The following TSC22D1 variants were observed in gnomAD, a reference collection of about 807,000 sequenced individuals.
TSC22D1 encodes the protein TSC22 domain family protein 1.
TSC22D1 carries 9 observed loss-of-function variants against 74.2 expected under a neutral mutation model. That is an observed-to-expected ratio of 0.12 (90% CI 0.07 to 0.21). The LOEUF (loss-of-function observed/expected upper bound fraction) is 0.21. TSC22D1 is among the 10% of genes least tolerant of loss of function. The probability of loss-of-function intolerance (pLI) is 1.00; values close to 1 mark genes in which losing one functional copy is unlikely to be tolerated. For synonymous variants in TSC22D1, 586 were observed against 492.5 expected (o/e 1.19, Z -2.51); for missense variants, 1,427 against 1,304.7 (o/e 1.09, Z -1.44).
At chr13:44,446,847 A>G (rs979320957) in intron 1 of TSC22D1, among the ~76,000 whole-genome samples, 8 of 105,458 alleles carry the variant, frequency 7.6e-5, no homozygotes, top group Non-Finnish European at 1.6e-4. Context: ...AGGAAGAAGA[A>G]GAAGAGGAAA....
At chr13:44,436,599 C>T (rs1874659007) in intron 1 of TSC22D1, 1 of 1,614,162 alleles carries the variant, frequency 6.2e-7, no homozygotes, top group Admixed American at 1.7e-5. Context: ...CTAGATCCAT[C>T]GCCACTGGTC....
chr13:44,545,556 A>G (rs1881766324), intron 1 of TSC22D1, among the ~76,000 whole-genome samples: 1 of 151,418 alleles, frequency 6.6e-6, no homozygotes. Context: ...AATGGCCAGC[A>G]GCACATTTTG....
At chr13:44,514,725 T>A (rs1368099825) in intron 1 of TSC22D1, among the ~76,000 whole-genome samples, 1 of 152,082 alleles carries the variant, frequency 6.6e-6, no homozygotes, top group Non-Finnish European at 1.5e-5. Flanking sequence ...CTGGACATGG[T>A]GGTATGCACC....
chr13:44,488,786 A>G (rs1878568849), intron 1 of TSC22D1, among the ~76,000 whole-genome samples: 1 of 152,226 alleles, frequency 6.6e-6, no homozygotes, highest in Non-Finnish European at 1.5e-5. Flanking sequence ...AGAATTTAAC[A>G]AAGGATACAC....
At chr13:44,571,910 CA>C (rs1191457887) in intron 1 of TSC22D1, among the ~76,000 whole-genome samples, 2 of 152,070 alleles carry the variant, frequency 1.3e-5, no homozygotes, top group African/African-American at 2.4e-5. Flanking sequence ...CTAAATAACA[CA>C]AACCTCACTG....
rs1566189533 is a variant in TSC22D1, at chr13:44,575,681, C to T, written c.394G>A (p.Ala132Thr). The change falls in exon 1 of 3, where the codon GCA (alanine) becomes ACA (threonine). Residue 132 changes from alanine (A) to threonine (T), a missense_variant. By Grantham distance (58) the Ala-to-Thr change is moderately conservative. Transcript: ENST00000458659. The part of the protein sequence containing the change: ...SASISSNNSI[A>T]EDTESYDDLD... ...TCATCATAGCTCTCAGTGTCCTCTGCTATACTGTTGTTAGAGCTGATACTA... is the reference window on the plus strand; with the variant it reads ...TCATCATAGCTCTCAGTGTCCTCTGTTATACTGTTGTTAGAGCTGATACTA... 6.2e-7 allele frequency: 1 copy of T among 1,614,210 alleles called. No individual in the cohort carries two copies.
chr13:44,539,825 A>G, intron 1 of TSC22D1: 2 of 1,289,520 alleles, frequency 1.6e-6, no homozygotes, highest in Non-Finnish European at 2.0e-6. Flanking sequence ...CCAAGGGTTC[A>G]GTGGAGAAAG....
intron 2 of TSC22D1, chr13:44,435,164 T>C: frequency 3.1e-6 from 1 of 325,364 alleles, no homozygotes. Flanking sequence ...AGCCGGGCGC[T>C]GGGTCCCCGA....
chr13:44,504,059 A>G (rs924723849), intron 1 of TSC22D1, among the ~76,000 whole-genome samples: 1 of 151,938 alleles, frequency 6.6e-6, no homozygotes, highest in African/African-American at 2.4e-5. Flanking sequence ...GCTATGTGTT[A>G]ATTTCATAAC....
At chr13:44,541,444 TAAAGA>T (rs1237496636) in intron 1 of TSC22D1, among the ~76,000 whole-genome samples, 6 of 151,948 alleles carry the variant, frequency 3.9e-5, no homozygotes, top group South Asian at 2.1e-4. Context: ...TACCAAATAT[TAAAGA>T]AAAGAAAAAA....
intron 1 of TSC22D1, among the ~76,000 whole-genome samples, chr13:44,503,919 AAAT>A (rs1879325236): frequency 6.6e-6 from 1 of 152,062 alleles, no homozygotes; most frequent in Admixed American, 6.5e-5. Context: ...ACTCATGACA[AAAT>A]AATACAGTAA....
At chr13:44,529,120 T>A (rs1402496183) in intron 1 of TSC22D1, among the ~76,000 whole-genome samples, 1 of 152,028 alleles carries the variant, frequency 6.6e-6, no homozygotes, top group South Asian at 2.1e-4. Flanking sequence ...TAGAAAAAGA[T>A]AATACTAGAA....
chr13:44,490,310 C>T (rs563326543), intron 1 of TSC22D1, among the ~76,000 whole-genome samples: 11 of 149,510 alleles, frequency 7.4e-5, no homozygotes, highest in Non-Finnish European at 1.2e-4. Flanking sequence ...GAGGAGGTAT[C>T]GCTAGGGAGA....
intron 1 of TSC22D1, among the ~76,000 whole-genome samples, chr13:44,519,707 C>T (rs1292317900): frequency 6.6e-6 from 1 of 152,082 alleles, no homozygotes; most frequent in Non-Finnish European, 1.5e-5. Context: ...ATCACTCCAG[C>T]CAAATTCTGG....
intron 1 of TSC22D1, among the ~76,000 whole-genome samples, chr13:44,542,244 A>G (rs1355425572): frequency 2.0e-5 from 3 of 152,106 alleles, no homozygotes; most frequent in African/African-American, 7.2e-5. Context: ...AGGCAAAAAG[A>G]AAGAGGTACA....
chr13:44,450,321 A>G (rs1876020068), intron 1 of TSC22D1, among the ~76,000 whole-genome samples: 1 of 152,210 alleles, frequency 6.6e-6, no homozygotes, highest in Non-Finnish European at 1.5e-5. Context: ...TAGAAGGAAA[A>G]AAGTTTAAGA....
chr13:44,436,803 A>G, intron 1 of TSC22D1: 1 of 1,401,682 alleles, frequency 7.1e-7, no homozygotes, highest in Non-Finnish European at 9.2e-7. Flanking sequence ...TGCGGATCCC[A>G]GTGCCGTGAA....
chr13:44,528,609 C>T (rs1214512240), intron 1 of TSC22D1, among the ~76,000 whole-genome samples: 1 of 151,818 alleles, frequency 6.6e-6, no homozygotes, highest in African/African-American at 2.4e-5. Context: ...TCTAGGAAAA[C>T]TGAAACAGAA....
At chr13:44,457,637 C>CAAAAAAAAAAAAAAAAAAAAAAAAAG (rs10692086) in intron 1 of TSC22D1, among the ~76,000 whole-genome samples, 1 of 85,416 alleles carries the variant, frequency 1.2e-5, no homozygotes, top group Non-Finnish European at 2.2e-5. Context: ...AAGCAAATAG[C>CAAAAAAAAAAAAAAAAAAAAAAAAAG]AAAAAAAAAA....
Sources: allele counts gnomAD v4.1 joint callset (sites outside exome capture counted in the v4.1 genomes callset), GRCh38; gene constraint gnomAD v4.1.1; transcripts MANE v1.5; gene names NCBI Gene and HGNC (gene_info 2026-07-23, HGNC 2026-07-21).